Variants in MGAT5 observed in about 807,000 individuals in gnomAD.
MGAT5 encodes alpha-1,6-mannosylglycoprotein 6-beta-N-acetylglucosaminyltransferase.
MGAT5 carries 30 observed loss-of-function variants against 94.3 expected under a neutral mutation model. The ratio of observed to expected loss-of-function variants is 0.32; its 90% CI spans 0.24 to 0.43. The LOEUF is 0.43. MGAT5 is among the 20% of genes least tolerant of loss of function. The probability of loss-of-function intolerance (pLI) is 1.00; values close to 1 mark genes in which losing one functional copy is unlikely to be tolerated. For synonymous variants in MGAT5, 310 were observed against 322.9 expected (o/e 0.96, Z 0.43); for missense variants, 691 against 905.5 (o/e 0.76, Z 3.04).
rs114195102 is a variant in MGAT5 at position 134,298,106 on chromosome 2, T to C, written c.407-19423T>C. Among the ~76,000 whole-genome samples the C allele has an allele frequency of 5.6e-3, 852 of 152,258 alleles. 12 individuals carry two copies. Among genetic ancestry groups the C allele is most frequent in the African/African-American group, 0.02 (818 of 41,554 alleles). ...AGAGAAAAATATTATCTCTGTATTA[T>C]TATTTTTGAAACAGGATCTCACTCT... On this transcript the variant is annotated intron_variant, in intron 2 of 15. Transcript: ENST00000281923.
At chr2:134,209,146 T>TAACATAACAACATAAAACCCCG (rs1558989217) in intron 1 of MGAT5, among the ~76,000 whole-genome samples, 1 of 33,068 alleles carries the variant, frequency 3.0e-5, no homozygotes, top group South Asian at 9.1e-4. Context: ...GGCTTATTTT[T>TAACATAACAACATAAAACCCCG]TTTTTATTTT....
Position 134,317,621 on chromosome 2 carries a change from GCAT to G in MGAT5, c.483+21_483+23del. The G allele has an allele frequency of 6.6e-7, 1 of 1,514,966 alleles. No individual in the cohort carries two copies. Among genetic ancestry groups the G allele is most frequent in the Non-Finnish European group, 8.9e-7 (1 of 1,128,208 alleles). 93.8% of individuals were successfully genotyped at this position (1,514,966 alleles called of 1,614,324 possible). ...AAAGATCAAGGTAAGGCAGAGGCAA[GCAT>G]CATCCCCAATCTGCACAAACACCCC... is the stretch of plus-strand genomic sequence containing the variant. On this transcript the variant is annotated intron_variant, in intron 3 of 15. Coordinates refer to ENST00000281923, the MANE Select transcript of MGAT5 (RefSeq NM_002410.5).
intron 12 of MGAT5, among the ~76,000 whole-genome samples, chr2:134,415,000 G>C (rs1240651742): frequency 6.6e-6 from 1 of 152,090 alleles, no homozygotes. Flanking sequence ...CACATAATTT[G>C]TTTATCTATT....
chr2:134,307,787 T>C (rs1449019086), intron 2 of MGAT5, among the ~76,000 whole-genome samples: 1 of 152,156 alleles, frequency 6.6e-6, no homozygotes, highest in African/African-American at 2.4e-5. Context: ...ATAAAATCCA[T>C]TTTCCATCTC....
At chr2:134,291,742 T>A (rs1685379287) in intron 2 of MGAT5, among the ~76,000 whole-genome samples, 1 of 152,224 alleles carries the variant, frequency 6.6e-6, no homozygotes, top group South Asian at 2.1e-4. Flanking sequence ...TATTTGATAC[T>A]GTGAGAATAT....
chr2:134,190,108 T>C lies in MGAT5; in HGVS notation c.-142-64154T>C, dbSNP rs532311996. 2.0e-5 allele frequency among the ~76,000 whole-genome samples: 3 copies of C among 152,338 alleles called. No homozygotes were observed. The East Asian group carries it at 5.8e-4, about 29-fold the overall frequency. On this transcript the variant is annotated intron_variant, in intron 1 of 16. Coordinates refer to the MGAT5 transcript ENST00000409645. Reference sequence around the variant, plus strand: ...ATAAGGTATCTTTCTGGCTTTCAGATATGCCCTTCTGAATAAATGCACCCC... The same window carrying C: ...ATAAGGTATCTTTCTGGCTTTCAGACATGCCCTTCTGAATAAATGCACCCC...
chr2:134,192,657 TA>T (rs1412134396), intron 1 of MGAT5, among the ~76,000 whole-genome samples: 14 of 152,104 alleles, frequency 9.2e-5, no homozygotes, highest in Admixed American at 6.5e-4. Flanking sequence ...CATTACTTTT[TA>T]AAATTTTTTT....
chr2:134,328,018 C>G (rs1185786382), intron 4 of MGAT5, among the ~76,000 whole-genome samples: 1 of 152,050 alleles, frequency 6.6e-6, no homozygotes, highest in Non-Finnish European at 1.5e-5. Flanking sequence ...GTGAGAGTTG[C>G]TATAGAAAGT....
Position 134,454,334 on chromosome 2 carries a change from T to C in MGAT5, c.*5487T>C, listed in dbSNP as rs936140110. ...GCTCATTGTCCTACCCAAGTATTAA[T>C]AGCATAATAGTTGATGCCAAAGGAG... On this transcript the variant is annotated 3_prime_UTR_variant, in exon 16 of 16. Coordinates refer to ENST00000281923, the MANE Select transcript of MGAT5 (RefSeq NM_002410.5). 4 of 152,214 alleles carry C rather than the reference T, an allele frequency of 2.6e-5. No individual in the cohort carries two copies. The highest frequency in any genetic ancestry group is 4.8e-5 in the African/African-American group (2 of 41,448). 9.4% of individuals were successfully genotyped at this position (152,214 alleles called of 1,614,324 possible). A position where few individuals can be genotyped will look rare whatever the true frequency, so the allele number is the denominator to read the frequency against.
intron 10 of MGAT5, among the ~76,000 whole-genome samples, chr2:134,381,941 A>C (rs1341651881): frequency 6.6e-6 from 1 of 152,216 alleles, no homozygotes; most frequent in African/African-American, 2.4e-5. Flanking sequence ...AATAAAAACA[A>C]AAATTATTTT....
chr2:134,333,857 G>C (rs1454817599), intron 4 of MGAT5, among the ~76,000 whole-genome samples: 1 of 152,138 alleles, frequency 6.6e-6, no homozygotes, highest in Non-Finnish European at 1.5e-5. Context: ...TTCCAATCCT[G>C]GTAATCCTCC....
chr2:134,378,583 T>C (rs1362911512), intron 10 of MGAT5, among the ~76,000 whole-genome samples: 7 of 151,608 alleles, frequency 4.6e-5, no homozygotes, highest in Non-Finnish European at 1.0e-4. Context: ...ATCAGAACAC[T>C]AATCATATAC....
chr2:134,418,927 G>A (rs1684124708), intron 12 of MGAT5, among the ~76,000 whole-genome samples: 1 of 152,302 alleles, frequency 6.6e-6, no homozygotes, highest in Non-Finnish European at 1.5e-5. Context: ...ACCCTGTCCT[G>A]CTCTGCCAGC....
intron 1 of MGAT5, among the ~76,000 whole-genome samples, chr2:134,199,957 A>C (rs1573850258): frequency 6.6e-6 from 1 of 152,194 alleles, no homozygotes; most frequent in Non-Finnish European, 1.5e-5. Context: ...CAGTGAAAAA[A>C]TAAAACCCAC....
chr2:134,146,673 G>T (rs1686935182), intron 1 of MGAT5, among the ~76,000 whole-genome samples: 1 of 152,150 alleles, frequency 6.6e-6, no homozygotes, highest in Admixed American at 6.6e-5. Context: ...AGAGGGCCTG[G>T]GGAACCTCCC....
intron 1 of MGAT5, among the ~76,000 whole-genome samples, chr2:134,128,017 T>C (rs115040991): frequency 0.013 from 1,990 of 152,144 alleles, 47 homozygotes; most frequent in African/African-American, 0.046. Context: ...ACTCTGAATG[T>C]GAGTGTGTGT....
At chr2:134,426,381 G>A (rs1684590182) in intron 13 of MGAT5, among the ~76,000 whole-genome samples, 2 of 152,224 alleles carry the variant, frequency 1.3e-5, no homozygotes, top group African/African-American at 2.4e-5. Context: ...TAGGAGAACA[G>A]AGGAGGAGCC....
At chr2:134,140,108 G>C (rs1357788575) in intron 1 of MGAT5, among the ~76,000 whole-genome samples, 3 of 152,212 alleles carry the variant, frequency 2.0e-5, no homozygotes, top group Non-Finnish European at 4.4e-5. Flanking sequence ...GCCTGCACCT[G>C]CCCCACTGGG....
intron 1 of MGAT5, among the ~76,000 whole-genome samples, chr2:134,267,782 A>G (rs1683808438): frequency 6.6e-6 from 1 of 152,226 alleles, no homozygotes; most frequent in Non-Finnish European, 1.5e-5. Flanking sequence ...ATAGGGAGGA[A>G]GGCAGACTTC....
Sources: gnomAD v4.1 joint callset for allele counts (sites outside exome capture counted in the v4.1 genomes callset) on GRCh38, gnomAD v4.1.1 for gene constraint, MANE v1.5 for transcripts, NCBI Gene and HGNC (gene_info 2026-07-23, HGNC 2026-07-21) for gene names.